Variants in MARCHF11 observed in about 807,000 individuals in gnomAD.
The protein encoded by MARCHF11 is E3 ubiquitin-protein ligase MARCHF11.
In MARCHF11, 29 loss-of-function variants were observed where a neutral mutation model predicts 37.3. The ratio of observed to expected loss-of-function variants is 0.78; its 90% confidence interval spans 0.58 to 1.06. The LOEUF (loss-of-function observed/expected upper bound fraction) is 1.06. MARCHF11 is among the 50% of genes least tolerant of loss of function. MARCHF11 has a pLI of 0.00. For synonymous variants in MARCHF11, 233 were observed against 228.0 expected, an observed-to-expected ratio of 1.02 and a Z score of -0.20; for missense variants, 482 against 533.4, an observed-to-expected ratio of 0.90 and a Z score of 0.95.
intron 3 of MARCHF11, among the ~76,000 whole-genome samples, chr5:16,089,017 G>T (rs770068343): frequency 6.6e-6 from 1 of 151,772 alleles, no homozygotes; most frequent in Admixed American, 6.6e-5. Flanking sequence ...AACCAGAACT[G>T]TAATAATCTT....
intron 3 of MARCHF11, among the ~76,000 whole-genome samples, chr5:16,084,100 AAGT>A (rs1485012445): frequency 6.6e-6 from 1 of 152,226 alleles, no homozygotes. Flanking sequence ...TGGAAAAAAA[AAGT>A]AGCAAAGTTA....
chr5:16,177,127 A>G (rs1738377351), intron 2 of MARCHF11, among the ~76,000 whole-genome samples: 1 of 152,206 alleles, frequency 6.6e-6, no homozygotes, highest in African/African-American at 2.4e-5. Flanking sequence ...GTTCAGTAGT[A>G]TTATTGAGAG....
At chr5:16,098,598 T>G (rs1298622586) in intron 2 of MARCHF11, among the ~76,000 whole-genome samples, 1 of 151,888 alleles carries the variant, frequency 6.6e-6, no homozygotes, top group Non-Finnish European at 1.5e-5. Context: ...TGAAACCCTG[T>G]CTCTACTAAA....
At position 16,099,426 on chromosome 5, in the gene MARCHF11, C is replaced by T. The variant is rs149770057; in HGVS notation, c.694-8345G>A. Among the ~76,000 whole-genome samples the T allele has an allele frequency of 9.4e-3, 1,429 of 152,206 alleles. 7 individuals carry two copies. The highest frequency in any genetic ancestry group is 0.026 in the South Asian group (124 of 4,820). On this transcript the variant is annotated intron_variant, in intron 2 of 3. Transcript: ENST00000332432. ...AAACTATCACTTTGTTGATTTTTCACTGATGTAATTTCATTAAAAACATTT... is the reference window on the plus strand; with the variant it reads ...AAACTATCACTTTGTTGATTTTTCATTGATGTAATTTCATTAAAAACATTT...
chr5:16,120,761 T>C (rs930604), intron 2 of MARCHF11, among the ~76,000 whole-genome samples: 34,140 of 152,054 alleles, frequency 0.22, 4,018 homozygotes, highest in South Asian at 0.31. Flanking sequence ...TCACCTGCCA[T>C]GTCAACAAGC....
At chr5:16,113,948 C>T (rs1415662175) in intron 2 of MARCHF11, among the ~76,000 whole-genome samples, 1 of 152,142 alleles carries the variant, frequency 6.6e-6, no homozygotes, top group Non-Finnish European at 1.5e-5. Flanking sequence ...TCAACTCCCT[C>T]CCCACCTTTC....
At chr5:16,074,364 CA>C (rs746442899) in intron 3 of MARCHF11, among the ~76,000 whole-genome samples, 1 of 152,036 alleles carries the variant, frequency 6.6e-6, no homozygotes, top group Non-Finnish European at 1.5e-5. Context: ...AAGAACAAAC[CA>C]AACCCAAACA....
At chr5:16,082,703 G>A (rs939418937) in intron 3 of MARCHF11, among the ~76,000 whole-genome samples, 1 of 152,150 alleles carries the variant, frequency 6.6e-6, no homozygotes, top group African/African-American at 2.4e-5. Flanking sequence ...GCAGTGATAT[G>A]AAGTCTCCAA....
intron 2 of MARCHF11, among the ~76,000 whole-genome samples, chr5:16,105,671 G>T (rs144255249): frequency 6.6e-6 from 1 of 152,342 alleles, no homozygotes; most frequent in East Asian, 1.9e-4. Flanking sequence ...AGAAAGCACA[G>T]AGAAGGTAAC....
intron 2 of MARCHF11, among the ~76,000 whole-genome samples, chr5:16,172,895 CCT>C (rs1008613386): frequency 6.6e-6 from 1 of 152,170 alleles, no homozygotes; most frequent in Non-Finnish European, 1.5e-5. Flanking sequence ...ATCTAATTCC[CCT>C]CTGATTCAAA....
In MARCHF11 at chr5:16,110,519, GA is replaced by G. The variant is rs570863344; in HGVS notation, c.694-19439del. 2.1e-4 allele frequency among the ~76,000 whole-genome samples: 32 copies of G among 152,154 alleles called. 1 individual carries two copies. The South Asian group carries it at 6.6e-3, about 32-fold the overall frequency. On this transcript the variant is annotated intron_variant, in intron 2 of 3. Transcript: ENST00000332432. ...TAACACAACAAAAACATAAAAAATG[GA>G]TATTTATTTGAATTAGAAGGTATTC...
chr5:16,149,660 G>A (rs1560989353), intron 2 of MARCHF11, among the ~76,000 whole-genome samples: 1 of 152,070 alleles, frequency 6.6e-6, no homozygotes, highest in Non-Finnish European at 1.5e-5. Context: ...CCCAGCCATG[G>A]AATTTGCTTT....
chr5:16,179,091 T>C lies in MARCHF11; in HGVS notation c.485A>G (p.Gln162Arg). 7 of 1,496,216 alleles carry C rather than the reference T, an allele frequency of 4.7e-6. No homozygotes were observed. Among genetic ancestry groups the C allele is most frequent in the Non-Finnish European group, 4.4e-6 (5 of 1,129,364 alleles). 92.7% of individuals were successfully genotyped at this position (1,496,216 alleles called of 1,614,324 possible). The change falls in exon 1 of 4, where the codon CAG becomes CGG. Residue 162 changes from glutamine to arginine, a missense_variant. Physicochemically the swap from Gln to Arg is conservative, Grantham distance 43. Transcript: ENST00000332432. ...SGGGDQRAGH[Q>R]HQHHQPICKI... ...GCAGATGGGCTGGTGGTGCTGGTGC[T>C]GGTGCCCAGCGCGCTGGTCGCCGCC...
chr5:16,172,019 A>C (rs1053131632), intron 2 of MARCHF11, among the ~76,000 whole-genome samples: 4 of 152,336 alleles, frequency 2.6e-5, no homozygotes, highest in African/African-American at 9.6e-5. Context: ...CCTATAGGGT[A>C]CATGTTGTCC....
At chr5:16,132,756 A>G (rs1269439631) in intron 2 of MARCHF11, among the ~76,000 whole-genome samples, 3 of 152,202 alleles carry the variant, frequency 2.0e-5, no homozygotes, top group Non-Finnish European at 4.4e-5. Flanking sequence ...TATGCTTTAT[A>G]AGAAACAAGA....
intron 2 of MARCHF11, among the ~76,000 whole-genome samples, chr5:16,145,711 C>CT (rs1737785448): frequency 1.3e-5 from 2 of 151,570 alleles, no homozygotes; most frequent in Admixed American, 1.3e-4. Context: ...AACAATGTCC[C>CT]TTTTTTCTCA....
chr5:16,166,573 C>T (rs1007532741), intron 2 of MARCHF11, among the ~76,000 whole-genome samples: 10 of 151,616 alleles, frequency 6.6e-5, no homozygotes, highest in Admixed American at 4.6e-4. Flanking sequence ...TTTACAAATA[C>T]ATATAGAAAT....
At chr5:16,130,251 T>C (rs1579400115) in intron 2 of MARCHF11, among the ~76,000 whole-genome samples, 5 of 144,368 alleles carry the variant, frequency 3.5e-5, no homozygotes, top group East Asian at 4.0e-4. Flanking sequence ...TCCAGGTACA[T>C]ACACACACAC....
chr5:16,071,924 T>G (rs761291406), intron 3 of MARCHF11, among the ~76,000 whole-genome samples: 1 of 152,176 alleles, frequency 6.6e-6, no homozygotes, highest in Non-Finnish European at 1.5e-5. Flanking sequence ...ACTGCAACTG[T>G]ACAAACAGGT....
Sources: allele counts gnomAD v4.1 joint callset (sites outside exome capture counted in the v4.1 genomes callset), GRCh38; gene constraint gnomAD v4.1.1; transcripts MANE v1.5; gene names NCBI Gene and HGNC (gene_info 2026-07-23, HGNC 2026-07-21).